The following FBXO34 variants were observed in gnomAD, a reference collection of about 807,000 sequenced individuals.
FBXO34 encodes F-box protein 34, also known as F-box only protein 34.
In FBXO34, 12 loss-of-function variants were observed where a neutral mutation model predicts 24.5. The observed-to-expected ratio is 0.49, with a 90% CI of 0.31 to 0.79. The LOEUF (loss-of-function observed/expected upper bound fraction) is 0.79. FBXO34 is among the 30% of genes least tolerant of loss of function. The probability of loss-of-function intolerance (pLI) is 0.04; values close to 1 mark genes in which losing one functional copy is unlikely to be tolerated. For synonymous variants in FBXO34, 320 were observed against 311.9 expected (o/e 1.03, Z -0.27); for missense variants, 823 against 857.7 (o/e 0.96, Z 0.51).
At chr14:55,394,652 G>A in the FBXO34 span, among the ~76,000 whole-genome samples, 1 of 152,194 alleles carries the variant, frequency 6.6e-6, no homozygotes, top group Non-Finnish European at 1.5e-5. Context: ...AGCTCACAGA[G>A]TGCACGAAAT....
the FBXO34 span, among the ~76,000 whole-genome samples, chr14:55,392,724 G>A: frequency 4.0e-5 from 6 of 151,608 alleles, no homozygotes; most frequent in Non-Finnish European, 8.8e-5. Context: ...TCCGTAAAGT[G>A]AATAATTAAA....
the FBXO34 span, chr14:55,436,931 C>T: frequency 1.9e-5 from 30 of 1,614,098 alleles, no homozygotes; most frequent in Non-Finnish European, 2.3e-5. Flanking sequence ...GAATTAAATG[C>T]AGTATCCGGA....
intron 1 of FBXO34, among the ~76,000 whole-genome samples, chr14:55,323,255 A>G (rs75604977): frequency 0.31 from 25,703 of 82,188 alleles, 6,443 homozygotes; most frequent in Non-Finnish European, 0.37. Context: ...TTTTAGAGAC[A>G]GAGTCTCACT....
downstream of FBXO34, among the ~76,000 whole-genome samples, chr14:55,371,817 A>G (rs1184366823): frequency 6.6e-6 from 1 of 151,922 alleles, no homozygotes; most frequent in Non-Finnish European, 1.5e-5. Context: ...AAACAAACAA[A>G]AAAACAAAGA....
intron 1 of FBXO34, among the ~76,000 whole-genome samples, chr14:55,323,216 A>ATATATATATAT (rs1467413034): frequency 1.1e-4 from 4 of 36,418 alleles, no homozygotes; most frequent in East Asian, 9.7e-4. Flanking sequence ...AAAAAAAAAA[A>ATATATATATAT]AAATATATAT....
At chr14:55,428,667 A>G in the FBXO34 span, 4 of 884,172 alleles carry the variant, frequency 4.5e-6, no homozygotes, top group South Asian at 1.8e-5. Flanking sequence ...CAGGCATAGC[A>G]TCTTAATCTT....
downstream of FBXO34, chr14:55,368,840 C>G (rs191291953): frequency 6.6e-6 from 1 of 152,376 alleles, no homozygotes; most frequent in African/African-American, 2.4e-5. Context: ...TCAAAATGCT[C>G]ATAGTGTGGA....
chr14:55,395,530 C>T, the FBXO34 span, among the ~76,000 whole-genome samples: 1 of 152,136 alleles, frequency 6.6e-6, no homozygotes, highest in Non-Finnish European at 1.5e-5. Flanking sequence ...AAGTTTTAAA[C>T]TGTTATATGA....
rs1345644501 is a variant in FBXO34 at position 55,350,873 on chromosome 14, G to A, written c.483G>A (p.Lys161=). Residue 161 remains lysine, a synonymous_variant, in exon 2 of 2, where the codon AAG becomes AAA. Coordinates refer to ENST00000313833, the MANE Select transcript of FBXO34 (RefSeq NM_017943.4). ...AATCAGGGGATCTTAAAAAAGCCAA[G>A]GTACAGGTGGAAAGGATGAGGGAGG... ...RKKSGDLKKA[K]VQVERMREVN... 2.5e-6 allele frequency: 4 copies of A among 1,613,358 alleles called. No homozygotes were observed. In the South Asian group the frequency reaches 4.4e-5, roughly 18 times the overall value.
chr14:55,322,922 C>T (rs1883189323), intron 1 of FBXO34, among the ~76,000 whole-genome samples: 1 of 148,292 alleles, frequency 6.7e-6, no homozygotes, highest in Non-Finnish European at 1.5e-5. Flanking sequence ...GCCTGTAATC[C>T]CAGCACTTTG....
At chr14:55,312,393 G>A (rs373124724) in intron 1 of FBXO34, among the ~76,000 whole-genome samples, 1 of 152,098 alleles carries the variant, frequency 6.6e-6, no homozygotes, top group East Asian at 1.9e-4. Context: ...CTAGAAGCAC[G>A]GTACAAGCTG....
intron 1 of FBXO34, among the ~76,000 whole-genome samples, chr14:55,330,152 TAACA>T (rs1242785761): frequency 6.6e-6 from 1 of 152,220 alleles, no homozygotes; most frequent in Admixed American, 6.5e-5. Context: ...ACTTAATTGC[TAACA>T]AACAGCGACT....
intron 1 of FBXO34, among the ~76,000 whole-genome samples, chr14:55,334,892 T>TC (rs1341576417): frequency 6.6e-6 from 1 of 152,182 alleles, no homozygotes; most frequent in African/African-American, 2.4e-5. Flanking sequence ...GACAAGATGG[T>TC]CAGACTTCTA....
chr14:55,274,165 C>T (rs557774506), intron 1 of FBXO34, among the ~76,000 whole-genome samples: 1 of 152,306 alleles, frequency 6.6e-6, no homozygotes, highest in African/African-American at 2.4e-5. Context: ...GAAAGACCTG[C>T]AGCTGATAAG....
intron 1 of FBXO34, among the ~76,000 whole-genome samples, chr14:55,336,967 T>C (rs1360851832): frequency 3.6e-5 from 4 of 111,714 alleles, no homozygotes; most frequent in Admixed American, 2.0e-4. Context: ...TCTTCACTCT[T>C]TTTTTTATTT....
At chr14:55,340,507 A>C (rs1883956929) in intron 1 of FBXO34, among the ~76,000 whole-genome samples, 1 of 151,616 alleles carries the variant, frequency 6.6e-6, no homozygotes, top group Non-Finnish European at 1.5e-5. Flanking sequence ...TTGGTATCCC[A>C]AAGTGCTGGG....
Position 55,352,104 on chromosome 14 carries a change from C to T in FBXO34, c.1714C>T (p.Gln572Ter). The part of the protein sequence containing the change: ...RFKIQQLLEP[Q>*]QYMAFLPHHI... ...TAAAATCCAGCAGCTTTTGGAGCCT[C>T]AGCAGTACATGGCTTTTCTGCCCCA... The change falls in exon 2 of 2, where the codon CAG becomes TAG. Residue 572 changes from glutamine (Q) to a stop codon, truncating the protein, a stop_gained. Coordinates refer to ENST00000313833, the MANE Select transcript of FBXO34 (RefSeq NM_017943.4). LOFTEE classifies it high-confidence loss of function. 1 of 1,614,190 alleles carries T rather than the reference C, an allele frequency of 6.2e-7. No individual in the cohort carries two copies. Among genetic ancestry groups the T allele is most frequent in the Non-Finnish European group, 8.5e-7 (1 of 1,180,038 alleles).
chr14:55,305,862 T>A (rs887046489), intron 1 of FBXO34, among the ~76,000 whole-genome samples: 9 of 152,266 alleles, frequency 5.9e-5, no homozygotes, highest in African/African-American at 2.2e-4. Context: ...TACACTGATT[T>A]GGCTGTAAAG....
intron 1 of FBXO34, among the ~76,000 whole-genome samples, chr14:55,323,212 A>T (rs370522058): frequency 0.091 from 3,467 of 38,212 alleles, 318 homozygotes; most frequent in African/African-American, 0.15. Context: ...AAAAAAAAAA[A>T]AAAAAAATAT....
Sources: allele counts gnomAD v4.1 joint callset (sites outside exome capture counted in the v4.1 genomes callset), GRCh38; gene constraint gnomAD v4.1.1; transcripts MANE v1.5; gene names NCBI Gene and HGNC (gene_info 2026-07-23, HGNC 2026-07-21).